PAX2: variants seen among roughly 807,000 people sequenced by gnomAD.
PAX2 encodes the protein paired box 2.
PAX2 carries 9 observed loss-of-function variants against 41.7 expected under a neutral mutation model. That is an observed-to-expected ratio of 0.22 (90% CI 0.13 to 0.38). The LOEUF is 0.38. Ranked by LOEUF, PAX2 falls within the 10% of genes least tolerant of loss-of-function variation. The pLI is 1.00. For synonymous variants in PAX2, 221 were observed against 212.7 expected (o/e 1.04, Z -0.34); for missense variants, 418 against 531.6 (o/e 0.79, Z 2.10).
At position 100,824,148 on chromosome 10, in the gene PAX2, G is replaced by A. The variant is rs965513954; in HGVS notation, c.920-500G>A. 2.0e-5 allele frequency among the ~76,000 whole-genome samples: 3 copies of A among 152,182 alleles called. No homozygotes were observed. The highest frequency in any genetic ancestry group is 2.9e-5 in the Non-Finnish European group (2 of 68,032). On this transcript the variant is annotated intron_variant, in intron 7 of 9. Transcript: ENST00000355243. The surrounding 1 kb of genome is among the most constrained non-coding windows in gnomAD (Gnocchi z 6.6). ...GGACAAGGAATAGCCATCAGTCCCT[G>A]TAGGGGTGATGGTGGGGTGTCCTCC... is the stretch of plus-strand genomic sequence containing the variant.
exon 1 of PAX2, chr10:100,735,484 C>T (rs1490204395): frequency 4.1e-5 from 10 of 241,570 alleles, no homozygotes; most frequent in Non-Finnish European, 5.5e-5. Flanking sequence ...CCGGGCTCCT[C>T]GGGGTGCCGG....
intron 5 of PAX2, among the ~76,000 whole-genome samples, chr10:100,788,883 C>G (rs1766154067): frequency 6.6e-6 from 1 of 152,068 alleles, no homozygotes; most frequent in Non-Finnish European, 1.5e-5. Flanking sequence ...CCCCGACACA[C>G]ATACATGCAC....
At chr10:100,736,121 C>G (rs1345337582) in intron 1 of PAX2, among the ~76,000 whole-genome samples, 1 of 152,092 alleles carries the variant, frequency 6.6e-6, no homozygotes, top group African/African-American at 2.4e-5. Context: ...GCTGGGCCAG[C>G]GCCTATGCCA....
chr10:100,802,836 C>G lies in PAX2; in HGVS notation c.617-3594C>G, dbSNP rs149792905. Among the ~76,000 whole-genome samples the G allele has an allele frequency of 4.7e-3, 721 of 152,262 alleles. 9 individuals carry two copies. Among genetic ancestry groups the G allele is most frequent in the African/African-American group, 0.017 (690 of 41,554 alleles). Reference sequence around the variant, plus strand: ...CCTTCCCTGCTCACTAGATTAAGATCTGCTTTTACATCCTAGAAACCTAGA... The same window carrying G: ...CCTTCCCTGCTCACTAGATTAAGATGTGCTTTTACATCCTAGAAACCTAGA... On this transcript the variant is annotated intron_variant, in intron 5 of 9. Transcript: ENST00000355243.
intron 3 of PAX2, among the ~76,000 whole-genome samples, chr10:100,773,704 T>C (rs1200770570): frequency 6.6e-6 from 1 of 152,202 alleles, no homozygotes; most frequent in Non-Finnish European, 1.5e-5. Flanking sequence ...AGAATTGATA[T>C]ACCTGCTCTC....
At chr10:100,815,187 C>T (rs918869194) in intron 7 of PAX2, among the ~76,000 whole-genome samples, 3 of 152,202 alleles carry the variant, frequency 2.0e-5, no homozygotes, top group Admixed American at 1.3e-4. Context: ...CTGCATTTCC[C>T]TCCATAAAAC....
At position 100,827,508 on chromosome 10, in the gene PAX2, C is replaced by A. The variant is rs1437354989; in HGVS notation, c.1109-35C>A. On this transcript the variant is annotated intron_variant, in intron 9 of 9. Transcript: ENST00000355243. This position sits in a 1 kb window ranked among gnomAD's most constrained non-coding sequence, Gnocchi z 8.5. ...TTTTTTGTTCTCCTGTTTGTCCTCT[C>A]ACCCAGCCCATTCTTCTCCTGTGTT... 2 of 1,605,920 alleles carry A rather than the reference C, an allele frequency of 1.2e-6. No homozygotes were observed. Among genetic ancestry groups the A allele is most frequent in the African/African-American group, 1.3e-5 (1 of 74,764 alleles).
chr10:100,735,613 C>A (rs748478482), exon 1 of PAX2: 5 of 937,972 alleles, frequency 5.3e-6, no homozygotes, highest in Non-Finnish European at 6.5e-6. Flanking sequence ...GATCTCCGGG[C>A]GGCGGCGGCG....
intron 5 of PAX2, among the ~76,000 whole-genome samples, chr10:100,799,887 C>G (rs575458905): frequency 3.4e-5 from 5 of 148,532 alleles, no homozygotes; most frequent in Non-Finnish European, 5.9e-5. Context: ...TGGGTTCAAG[C>G]GATTCTCCTG....
Position 100,824,695 on chromosome 10 carries a change from C to T in PAX2, c.967C>T (p.Pro323Ser), listed in dbSNP as rs1289052313. The part of the protein sequence containing the change: ...TTLPGYPPHV[P>S]PTGQGSYPTS... ...TCTGCCTGGTTACCCCCCTCACGTG[C>T]CCCCCACTGGCCAGGGAAGCTACCC... The change falls in exon 8 of 10, where the codon CCC becomes TCC. Residue 323 changes from proline to serine, a missense_variant. By Grantham distance (74) the Pro-to-Ser change is moderately conservative. Coordinates refer to ENST00000355243, the MANE Select transcript of PAX2 (RefSeq NM_000278.5). The surrounding 1 kb of genome is among the most constrained non-coding windows in gnomAD (Gnocchi z 6.6). 4 of 1,610,422 alleles carry T rather than the reference C, an allele frequency of 2.5e-6. No homozygotes were observed. The highest frequency in any genetic ancestry group is 1.7e-5 in the Admixed American group (1 of 60,012).
chr10:100,767,371 T>C (rs1429940430), intron 3 of PAX2, among the ~76,000 whole-genome samples: 1 of 152,190 alleles, frequency 6.6e-6, no homozygotes, highest in Admixed American at 6.5e-5. Context: ...TGGGCTCTCA[T>C]TGCTAGTAAG....
Position 100,806,527 on chromosome 10 carries a change from G to A in PAX2, c.714G>A (p.Leu238=), listed in dbSNP as rs1253872894. ...LRADTFTQQQ[L]EALDRVFERP... ...CTGACACCTTCACCCAGCAGCAGCT[G>A]GAAGCTTTGGATCGGGTCTTTGAGC... The change falls in exon 6 of 10, where the codon CTG becomes CTA. Residue 238 remains leucine (L), a synonymous_variant. Coordinates refer to ENST00000355243, the MANE Select transcript of PAX2 (RefSeq NM_000278.5). 6.2e-6 allele frequency: 10 copies of A among 1,614,234 alleles called. No individual in the cohort carries two copies. Among genetic ancestry groups the A allele is most frequent in the Non-Finnish European group, 8.5e-6 (10 of 1,180,036 alleles).
intron 3 of PAX2, among the ~76,000 whole-genome samples, chr10:100,767,967 T>C (rs889746233): frequency 3.3e-5 from 5 of 152,184 alleles, no homozygotes; most frequent in African/African-American, 9.7e-5. Flanking sequence ...CTACTTGGCA[T>C]TTAATAATTC....
At chr10:100,757,968 G>C (rs891568134) in intron 3 of PAX2, among the ~76,000 whole-genome samples, 3 of 152,176 alleles carry the variant, frequency 2.0e-5, no homozygotes, top group African/African-American at 7.2e-5. Flanking sequence ...GTAGACAGGC[G>C]AGGCCGTAGA....
chr10:100,805,477 C>T (rs1847745780), intron 5 of PAX2, among the ~76,000 whole-genome samples: 1 of 152,054 alleles, frequency 6.6e-6, no homozygotes, highest in Admixed American at 6.5e-5. Flanking sequence ...CAGAGAGAGG[C>T]CACAGAGCAG....
chr10:100,760,755 G>A (rs1281505533), intron 3 of PAX2, among the ~76,000 whole-genome samples: 2 of 151,450 alleles, frequency 1.3e-5, no homozygotes, highest in Non-Finnish European at 2.9e-5. Flanking sequence ...CCTCCTCCTC[G>A]TTCCTCAGGT....
At chr10:100,746,451 T>A in intron 1 of PAX2, 148 bp downstream of exon 1, 1 of 727,684 alleles carries the variant, frequency 1.4e-6, no homozygotes, top group South Asian at 1.5e-5. Flanking sequence ...TTTCTCTCCC[T>A]CGCCCGGTGT....
chr10:100,758,233 CG>C (rs1169361358), intron 3 of PAX2, among the ~76,000 whole-genome samples: 2 of 151,480 alleles, frequency 1.3e-5, no homozygotes, highest in Non-Finnish European at 2.9e-5. Flanking sequence ...CTCCGCCTCC[CG>C]GGTTCACGCC....
chr10:100,824,843 G>A lies in PAX2; in HGVS notation c.1021+94G>A. On this transcript the variant is annotated intron_variant, in intron 8 of 9. Coordinates refer to ENST00000355243, the MANE Select transcript of PAX2 (RefSeq NM_000278.5). This position sits in a 1 kb window ranked among gnomAD's most constrained non-coding sequence, Gnocchi z 6.6. ...GTCTGTAGTCTGAGGCTGGGGTGGGGGGAGACACAACGTCCCCTCCCTGCA... is the reference window on the plus strand; with the variant it reads ...GTCTGTAGTCTGAGGCTGGGGTGGGAGGAGACACAACGTCCCCTCCCTGCA... 3.9e-6 allele frequency: 6 copies of A among 1,522,052 alleles called. No homozygotes were observed. Among genetic ancestry groups the A allele is most frequent in the African/African-American group, 1.4e-5 (1 of 73,160 alleles). The allele number at this position is 1,522,052 out of a possible 1,614,324, so 94.3% of individuals were successfully genotyped here. A position where few individuals can be genotyped will look rare whatever the true frequency, so the allele number is the denominator to read the frequency against.
Sources: gnomAD v4.1 joint callset for allele counts (sites outside exome capture counted in the v4.1 genomes callset) on GRCh38, gnomAD v4.1.1 for gene constraint, Gnocchi (gnomAD v3.1) non-coding constraint, MANE v1.5 for transcripts, NCBI Gene and HGNC (gene_info 2026-07-23, HGNC 2026-07-21) for gene names.